The following B2M variants were observed in gnomAD, a reference collection of about 807,000 sequenced individuals.
The protein encoded by B2M is beta-2-microglobulin.
Under a neutral mutation model 14.5 loss-of-function variants are expected in B2M, and 3 were observed. The ratio of observed to expected loss-of-function variants is 0.21; its 90% CI spans 0.09 to 0.53. B2M has a LOEUF of 0.53. Ranked by LOEUF, B2M falls within the 20% of genes least tolerant of loss-of-function variation. The pLI, the probability that B2M is intolerant of heterozygous loss-of-function variation, is 0.95. For synonymous variants in B2M, 45 were observed against 52.7 expected, an observed-to-expected ratio of 0.85 and a Z score of 0.64; for missense variants, 107 against 140.8, an observed-to-expected ratio of 0.76 and a Z score of 1.21.
At chr15:44,715,359 A>G in intron 1 of B2M, 64 bp from the exon 2 acceptor site, 1 of 1,554,054 alleles carries the variant, frequency 6.4e-7, no homozygotes, top group Non-Finnish European at 8.8e-7. Context: ...ATAGCTTGAC[A>G]CCAAGTTAGC....
intron 1 of B2M, 21 bp from the exon 2 acceptor site, chr15:44,715,402 T>C (rs1394423631): frequency 1.2e-6 from 2 of 1,610,912 alleles, no homozygotes. Flanking sequence ...TATTAATGTG[T>C]CTTTTCCCGA....
chr15:44,718,020 T>A lies in B2M; in HGVS notation c.*428T>A, dbSNP rs1023622544. ...TGACAGGATTATTGGAAATTTGTTATAATGAATGAAACATTTTGTCATATA... is the reference window on the plus strand; with the variant it reads ...TGACAGGATTATTGGAAATTTGTTAAAATGAATGAAACATTTTGTCATATA... On this transcript the variant is annotated 3_prime_UTR_variant, in exon 4 of 4. Transcript: ENST00000648006. The A allele has an allele frequency of 6.6e-6, 1 of 152,260 alleles. No homozygotes were observed. The highest frequency in any genetic ancestry group is 1.5e-5 in the Non-Finnish European group (1 of 68,048). 9.4% of individuals were successfully genotyped at this position (152,260 alleles called of 1,614,324 possible).
chr15:44,716,077 T>A, intron 2 of B2M: 1 of 607,698 alleles, frequency 1.6e-6, no homozygotes, highest in African/African-American at 1.8e-5. Context: ...TATAGGCCTT[T>A]GTTTGTAAGT....
intron 1 of B2M, 46 bp downstream of exon 1, chr15:44,711,659 T>G: frequency 6.3e-7 from 1 of 1,580,950 alleles, no homozygotes; most frequent in South Asian, 1.1e-5. Flanking sequence ...TCTCCCGCTC[T>G]GCACCCTCTG....
intron 1 of B2M, chr15:44,713,637 A>G (rs1028493377): frequency 1.3e-5 from 2 of 152,244 alleles, no homozygotes; most frequent in African/African-American, 4.8e-5. Context: ...GATTACAGTG[A>G]TGCTCTCACA....
chr15:44,711,801 G>T (rs2086872035), intron 1 of B2M, 188 bp downstream of exon 1: 3 of 771,362 alleles, frequency 3.9e-6, no homozygotes, highest in Non-Finnish European at 6.6e-6. Context: ...AAGGGGGTGC[G>T]CACCCGGGAC....
At chr15:44,711,957 C>T (rs1456354931) in intron 1 of B2M, 1 of 460,866 alleles carries the variant, frequency 2.2e-6, no homozygotes, top group Non-Finnish European at 4.0e-6. Flanking sequence ...CGCGGGGCCT[C>T]TGGCTCCCCC....
In B2M at chr15:44,715,510, C is replaced by T. The variant is rs2141288681; in HGVS notation, c.155C>T (p.Pro52Leu). The T allele has an allele frequency of 6.2e-7, 1 of 1,614,136 alleles. No homozygotes were observed. Among genetic ancestry groups the T allele is most frequent in the Non-Finnish European group, 8.5e-7 (1 of 1,180,002 alleles). ...AATTGCTATGTGTCTGGGTTTCATCCATCCGACATTGAAGTTGACTTACTG... is the reference window on the plus strand; with the variant it reads ...AATTGCTATGTGTCTGGGTTTCATCTATCCGACATTGAAGTTGACTTACTG... ...FLNCYVSGFHPSDIEVDLLKN... is the reference protein window; with the variant it reads ...FLNCYVSGFHLSDIEVDLLKN... Residue 52 changes from proline to leucine, a missense_variant, in exon 2 of 4, where the codon CCA becomes CTA. Coordinates refer to ENST00000648006, the MANE Select transcript of B2M (RefSeq NM_004048.4).
intron 1 of B2M, chr15:44,711,868 G>A: frequency 1.6e-6 from 1 of 609,960 alleles, no homozygotes; most frequent in South Asian, 1.9e-5. Context: ...CTACGGCGAC[G>A]GGAGGGTCGG....
Position 44,717,954 on chromosome 15 carries a change from A to C in B2M, c.*362A>C, listed in dbSNP as rs1277206740. 1 of 152,204 alleles carries C rather than the reference A, an allele frequency of 6.6e-6. No homozygotes were observed. The highest frequency in any genetic ancestry group is 1.9e-4 in the East Asian group (1 of 5,200). The allele number at this position is 152,204 out of a possible 1,614,324, so 9.4% of individuals were successfully genotyped here. A position where few individuals can be genotyped will look rare whatever the true frequency, so the allele number is the denominator to read the frequency against. ...GTGCATAAGTTAACTTCCAATTTACATACTCTGCTTAGAATTTGGGGGAAA... is the reference window on the plus strand; with the variant it reads ...GTGCATAAGTTAACTTCCAATTTACCTACTCTGCTTAGAATTTGGGGGAAA... On this transcript the variant is annotated 3_prime_UTR_variant, in exon 4 of 4. Coordinates refer to ENST00000648006, the MANE Select transcript of B2M (RefSeq NM_004048.4).
intron 3 of B2M, chr15:44,716,668 C>A (rs2086945199): frequency 1.1e-5 from 5 of 453,770 alleles, no homozygotes; most frequent in African/African-American, 7.8e-5. Context: ...TCTGCCATTT[C>A]CACATTGGAC....
At chr15:44,714,459 A>G (rs2086919520) in intron 1 of B2M, 1 of 145,952 alleles carries the variant, frequency 6.9e-6, no homozygotes, top group Non-Finnish European at 1.5e-5. Flanking sequence ...TTTGGTAAGA[A>G]CATACCTTGG....
chr15:44,712,873 G>C (rs944225800), intron 1 of B2M: 1 of 151,830 alleles, frequency 6.6e-6, no homozygotes, highest in African/African-American at 2.4e-5. Context: ...GTGGTGGCTC[G>C]TGCCTGTGGT....
intron 1 of B2M, among the ~76,000 whole-genome samples, chr15:44,712,289 AATT>A (rs1170575192): frequency 6.6e-5 from 10 of 152,348 alleles, no homozygotes; most frequent in Admixed American, 2.0e-4. Context: ...ACTTTTAAAA[AATT>A]ATAAGAACTA....
intron 3 of B2M, 95 bp downstream of exon 3, chr15:44,716,451 C>T: frequency 3.1e-6 from 4 of 1,278,892 alleles, no homozygotes; most frequent in Non-Finnish European, 4.5e-6. Context: ...ATGTGGAGAA[C>T]ATTGACAGAG....
chr15:44,711,863 G>A, intron 1 of B2M: 1 of 616,422 alleles, frequency 1.6e-6, no homozygotes, highest in Non-Finnish European at 2.9e-6. Context: ...TTGGCCTACG[G>A]CGACGGGAGG....
rs1350126569 is a variant in B2M at position 44,715,618 on chromosome 15, C to T, written c.263C>T (p.Thr88Ile). 1 of 1,614,058 alleles carries T rather than the reference C, an allele frequency of 6.2e-7. No individual in the cohort carries two copies. Among genetic ancestry groups the T allele is most frequent in the East Asian group, 2.2e-5 (1 of 44,904 alleles). Residue 88 changes from threonine to isoleucine, a missense_variant, in exon 2 of 4, where the codon ACT (threonine) becomes ATT (isoleucine). Physicochemically the swap from Thr to Ile is moderately conservative, Grantham distance 89. Transcript: ENST00000648006. ...TGGTCTTTCTATCTCTTGTACTACA[C>T]TGAATTCACCCCCACTGAAAAAGAT... The part of the protein sequence containing the change: ...KDWSFYLLYY[T>I]EFTPTEKDEY...
intron 1 of B2M, chr15:44,715,054 G>A (rs2086926339): frequency 2.8e-6 from 1 of 353,418 alleles, no homozygotes; most frequent in East Asian, 7.1e-5. Context: ...AGACTCTTGA[G>A]TGATGTGTTA....
At chr15:44,716,202 C>A in intron 2 of B2M, 127 bp from the exon 3 acceptor site, 1 of 1,103,874 alleles carries the variant, frequency 9.1e-7, no homozygotes, top group Middle Eastern at 2.7e-4. Context: ...ACAATGTATT[C>A]ATGGGTAGGA....
Sources: gnomAD v4.1 joint callset for allele counts (sites outside exome capture counted in the v4.1 genomes callset) on GRCh38, gnomAD v4.1.1 for gene constraint, MANE v1.5 for transcripts, NCBI Gene and HGNC (gene_info 2026-07-23, HGNC 2026-07-21) for gene names.